The following FAT1 variants were observed in gnomAD, a reference collection of about 807,000 sequenced individuals.
FAT1 encodes FAT atypical cadherin 1, also known as protocadherin Fat 1.
Under a neutral mutation model 329.8 loss-of-function variants are expected in FAT1, and 171 were observed. The ratio of observed to expected loss-of-function variants is 0.52; its 90% CI spans 0.46 to 0.59. FAT1 has a LOEUF of 0.59. FAT1 is among the 20% of genes least tolerant of loss of function. The pLI is 0.00. For missense variants in FAT1, 5,672 were observed against 5,774.4 expected, an observed-to-expected ratio of 0.98 and a Z score of 0.57; for synonymous variants, 2,233 against 2,228.6, an observed-to-expected ratio of 1.00 and a Z score of -0.06.
chr4:186,604,446 C>T lies in FAT1; in HGVS notation c.10479G>A (p.Pro3493=), dbSNP rs774680240. The change falls in exon 18 of 27, where the codon CCG becomes CCA. Residue 3493 remains proline, a synonymous_variant. Coordinates refer to ENST00000441802, the MANE Select transcript of FAT1 (RefSeq NM_005245.4). ...GNDEKAFEVN[P]QGVLLTSSAI... ...CAGATGATGTCAGGAGGACTCCTTGCGGGTTAACTTCAAAAGCCTTCTCAT... is the reference window on the plus strand; with the variant it reads ...CAGATGATGTCAGGAGGACTCCTTGTGGGTTAACTTCAAAAGCCTTCTCAT... 41 of 1,613,786 alleles carry T rather than the reference C, an allele frequency of 2.5e-5. No individual in the cohort carries two copies. Among genetic ancestry groups the T allele is most frequent in the African/African-American group, 5.3e-5 (4 of 74,888 alleles).
At chr4:186,632,683 A>C (rs72716269) in intron 7 of FAT1, among the ~76,000 whole-genome samples, 512 of 152,364 alleles carry the variant, frequency 3.4e-3, no homozygotes, top group Middle Eastern at 6.8e-3. Context: ...AAATGGCTTT[A>C]AATTATCTAC....
At position 186,628,149 on chromosome 4, in the gene FAT1, A is replaced by G; in HGVS notation, c.4810+5T>C. ...TTAAAATGCCACTGAAGGCTCCAAA[A>G]GTACCTGACTCGATCGAGTACAGCA... On this transcript the variant is annotated splice_donor_5th_base_variant and intron_variant, in intron 9 of 26. Coordinates refer to ENST00000441802, the MANE Select transcript of FAT1 (RefSeq NM_005245.4). The G allele has an allele frequency of 1.2e-6, 2 of 1,613,206 alleles. No individual in the cohort carries two copies. Among genetic ancestry groups the G allele is most frequent in the South Asian group, 2.2e-5 (2 of 90,794 alleles).
At position 186,618,706 on chromosome 4, in the gene FAT1, G is replaced by A. The variant is rs374438707; in HGVS notation, c.7880C>T (p.Ser2627Phe). Residue 2627 changes from serine to phenylalanine, a missense_variant, in exon 10 of 27, where the codon TCC becomes TTC. Ser to Phe is a radical substitution (Grantham distance 155). Coordinates refer to ENST00000441802, the MANE Select transcript of FAT1 (RefSeq NM_005245.4). Reference sequence around the variant, plus strand: ...AATGGCATAGGTGATGTCGGCATTGGAGCCCTCATCGGCATCACTTGCAAG... The same window carrying A: ...AATGGCATAGGTGATGTCGGCATTGAAGCCCTCATCGGCATCACTTGCAAG... ...KVLASDADEG[S>F]NADITYAIEA... 3 of 1,613,900 alleles carry A rather than the reference G, an allele frequency of 1.9e-6. No individual in the cohort carries two copies. Among genetic ancestry groups the A allele is most frequent in the East Asian group, 2.2e-5 (1 of 44,892 alleles).
chr4:186,712,068 A>G (rs1744987766), intron 1 of FAT1, among the ~76,000 whole-genome samples: 1 of 152,236 alleles, frequency 6.6e-6, no homozygotes. Flanking sequence ...TGCAAGTACT[A>G]GAAGTATTTT....
At chr4:186,688,616 T>C (rs1382631453) in intron 2 of FAT1, among the ~76,000 whole-genome samples, 1 of 151,082 alleles carries the variant, frequency 6.6e-6, no homozygotes, top group Non-Finnish European at 1.5e-5. Flanking sequence ...CATTTACCTG[T>C]CACAATGATG....
At chr4:186,602,729 C>T (rs1449087982) in intron 20 of FAT1, among the ~76,000 whole-genome samples, 174 bp downstream of exon 20, 1 of 152,116 alleles carries the variant, frequency 6.6e-6, no homozygotes, top group African/African-American at 2.4e-5. Context: ...AAGGGGTGTG[C>T]TGTAACAAGA....
intron 7 of FAT1, 39 bp from the exon 8 acceptor site, chr4:186,628,802 A>G (rs1740450364): frequency 1.9e-6 from 3 of 1,575,836 alleles, no homozygotes; most frequent in South Asian, 2.3e-5. Flanking sequence ...AATATTTCCA[A>G]TTATGAATGT....
Position 186,617,773 on chromosome 4 carries a change from G to C in FAT1, c.8813C>G (p.Ala2938Gly), listed in dbSNP as rs1285817342. The change falls in exon 10 of 27, where the codon GCC becomes GGC. Residue 2938 changes from alanine to glycine, a missense_variant. Ala to Gly is a moderately conservative substitution (Grantham distance 60). Transcript: ENST00000441802. ...ATCAGCATCCGTGGTACTTAAGATGGCAATCACCCCACCTTGGGGGTCATC... is the reference window on the plus strand; with the variant it reads ...ATCAGCATCCGTGGTACTTAAGATGCCAATCACCCCACCTTGGGGGTCATC... ...SEDDPQGGVI[A>G]ILSTTDADSE... 1 of 1,613,284 alleles carries C rather than the reference G, an allele frequency of 6.2e-7. No individual in the cohort carries two copies. Among genetic ancestry groups the C allele is most frequent in the Admixed American group, 1.7e-5 (1 of 59,978 alleles).
chr4:186,670,987 C>T (rs1055768621), intron 2 of FAT1, among the ~76,000 whole-genome samples: 3 of 152,072 alleles, frequency 2.0e-5, no homozygotes, highest in African/African-American at 2.4e-5. Flanking sequence ...ATGTCAACAA[C>T]GTGAGAAGCT....
intron 2 of FAT1, among the ~76,000 whole-genome samples, chr4:186,679,961 C>T (rs1743136779): frequency 6.6e-6 from 1 of 152,180 alleles, no homozygotes; most frequent in Non-Finnish European, 1.5e-5. Context: ...TCTCAATCAA[C>T]CATAATTCAC....
In FAT1 at chr4:186,609,880, T is replaced by C. The variant is rs1432530254; in HGVS notation, c.9989A>G (p.Asp3330Gly). The change falls in exon 15 of 27, where the codon GAT becomes GGT. Residue 3330 changes from aspartate to glycine, a missense_variant. Around this residue, in one of 2 missense-constraint regions of FAT1, gnomAD observed 1,706 missense variants for 1,859.1 expected, o/e 0.92. Transcript: ENST00000441802. ...GTCTTGGCTGAACACAGGGGTATTA[T>C]CGTTGATATCTGTTACATTAACGTT... is the stretch of plus-strand genomic sequence containing the variant. The part of the protein sequence containing the change: ...TVNVNVTDIN[D>G]NTPVFSQDTY... The C allele has an allele frequency of 6.2e-7, 1 of 1,613,058 alleles. No individual in the cohort carries two copies. The highest frequency in any genetic ancestry group is 8.5e-7 in the Non-Finnish European group (1 of 1,179,336).
chr4:186,595,649 A>C, intron 26 of FAT1, 40 bp downstream of exon 26: 1 of 1,609,704 alleles, frequency 6.2e-7, no homozygotes, highest in Non-Finnish European at 8.5e-7. Context: ...TAACACAACA[A>C]GCAAGCAAAG....
chr4:186,703,642 C>T (rs1211511634), intron 2 of FAT1, among the ~76,000 whole-genome samples: 1 of 152,180 alleles, frequency 6.6e-6, no homozygotes, highest in Admixed American at 6.5e-5. Flanking sequence ...TATTAAATGC[C>T]CCCGAGTTAG....
intron 2 of FAT1, among the ~76,000 whole-genome samples, chr4:186,686,908 A>T (rs1348565308): frequency 1.3e-5 from 2 of 152,200 alleles, no homozygotes; most frequent in African/African-American, 4.8e-5. Flanking sequence ...TACATTTTTA[A>T]ATTTAATTTG....
intron 2 of FAT1, among the ~76,000 whole-genome samples, chr4:186,695,760 AACACACACACACACACACAC>A (rs34932295): frequency 3.5e-5 from 5 of 141,232 alleles, no homozygotes; most frequent in African/African-American, 1.1e-4. Context: ...TTATATATAA[AACACACACACACACACACAC>A]ACACACACAC....
chr4:186,638,355 G>C (rs1740933100), intron 4 of FAT1, among the ~76,000 whole-genome samples: 1 of 152,176 alleles, frequency 6.6e-6, no homozygotes, highest in Non-Finnish European at 1.5e-5. Flanking sequence ...AAGGACTGGA[G>C]CAAAATGTCA....
At chr4:186,662,619 T>A (rs1338503830) in intron 3 of FAT1, among the ~76,000 whole-genome samples, 1 of 152,160 alleles carries the variant, frequency 6.6e-6, no homozygotes, top group Non-Finnish European at 1.5e-5. Context: ...AACTGTGAAA[T>A]AAACTCTTTT....
chr4:186,671,539 A>C (rs1579424709), intron 2 of FAT1, among the ~76,000 whole-genome samples: 3 of 152,084 alleles, frequency 2.0e-5, no homozygotes, highest in East Asian at 3.9e-4. Context: ...CTCTACTAAA[A>C]ATACAAAAAA....
At chr4:186,642,576 C>A (rs960093386) in intron 3 of FAT1, among the ~76,000 whole-genome samples, 1 of 152,206 alleles carries the variant, frequency 6.6e-6, no homozygotes, top group African/African-American at 2.4e-5. Flanking sequence ...AGTGAGCCAA[C>A]AGAGAATGCG....
Sources: allele counts gnomAD v4.1 joint callset (sites outside exome capture counted in the v4.1 genomes callset), GRCh38; gene constraint gnomAD v4.1.1; regional missense constraint gnomAD v4.1.1; transcripts MANE v1.5; gene names NCBI Gene and HGNC (gene_info 2026-07-23, HGNC 2026-07-21).